The following USP34 variants were observed in gnomAD, a reference collection of about 807,000 sequenced individuals.
The protein encoded by USP34 is ubiquitin specific peptidase 34.
Under a neutral mutation model 460.3 loss-of-function variants are expected in USP34, and 70 were observed. The ratio of observed to expected loss-of-function variants is 0.15; its 90% CI spans 0.13 to 0.19. The LOEUF (loss-of-function observed/expected upper bound fraction) is 0.19, where lower values mean the gene tolerates loss of function less well. Ranked by LOEUF, USP34 falls within the 10% of genes least tolerant of loss-of-function variation. USP34 has a pLI of 1.00. For synonymous variants in USP34, 1,647 were observed against 1,405.3 expected, an observed-to-expected ratio of 1.17 and a Z score of -3.85; for missense variants, 3,985 against 4,236.2, an observed-to-expected ratio of 0.94 and a Z score of 1.65.
chr2:61,449,882 A>G (rs950939266), intron 1 of USP34, among the ~76,000 whole-genome samples: 5 of 152,154 alleles, frequency 3.3e-5, no homozygotes, highest in Non-Finnish European at 7.3e-5. Context: ...CCTGGCCAAT[A>G]TGGTGAAACC....
chr2:61,303,308 C>T (rs1437631610), intron 27 of USP34, among the ~76,000 whole-genome samples: 9 of 152,076 alleles, frequency 5.9e-5, no homozygotes, highest in East Asian at 1.9e-4. Flanking sequence ...TCCGGTGATC[C>T]GCCTGCCTCG....
At chr2:61,355,983 A>C in intron 10 of USP34, among the ~76,000 whole-genome samples, 1 of 152,220 alleles carries the variant, frequency 6.6e-6, no homozygotes, top group East Asian at 1.9e-4. Context: ...GATACAATTT[A>C]AATTTTAAAA....
At chr2:61,339,725 GCTGA>G in intron 16 of USP34, 44 bp from the exon 17 acceptor site, 1 of 1,075,954 alleles carries the variant, frequency 9.3e-7, no homozygotes, top group Non-Finnish European at 1.3e-6. Flanking sequence ...GAGAAATGCA[GCTGA>G]CTGATTATAG....
At position 61,406,105 on chromosome 2, in the gene USP34, T is replaced by A; in HGVS notation, c.155A>T (p.Glu52Val). ...ATTAAAAATCTCCAAATGCTTATAT[T>A]CCTTGAAGCAGCATAGACATTGCCT... ...TQRQCLCCFK[E>V]YKHLEIFNQV... The change falls in exon 3 of 80, where the codon GAA becomes GTA. Residue 52 changes from glutamate to valine, a missense_variant. Coordinates refer to ENST00000398571, the MANE Select transcript of USP34 (RefSeq NM_014709.4). 1 of 1,610,214 alleles carries A rather than the reference T, an allele frequency of 6.2e-7. No individual in the cohort carries two copies. Among genetic ancestry groups the A allele is most frequent in the Non-Finnish European group, 8.5e-7 (1 of 1,178,644 alleles).
At chr2:61,420,923 C>A in intron 1 of USP34, 90 bp from the exon 2 acceptor site, 15 of 797,458 alleles carry the variant, frequency 1.9e-5, no homozygotes, top group East Asian at 6.0e-5. Context: ...GCTACAAATG[C>A]AAACATTTCA....
At chr2:61,373,660 G>GAC (rs1029710996) in intron 8 of USP34, among the ~76,000 whole-genome samples, 1 of 152,108 alleles carries the variant, frequency 6.6e-6, no homozygotes, top group Non-Finnish European at 1.5e-5. Context: ...ATTAAAAGGA[G>GAC]AAACACACAA....
At chr2:61,224,738 G>C (rs1478464779) in intron 62 of USP34, among the ~76,000 whole-genome samples, 2 of 152,050 alleles carry the variant, frequency 1.3e-5, no homozygotes, top group Non-Finnish European at 2.9e-5. Context: ...TTTCTTTTTA[G>C]GTATTATGAA....
intron 7 of USP34, 116 bp from the exon 8 acceptor site, chr2:61,378,540 A>G (rs1406476696): frequency 5.2e-6 from 3 of 573,354 alleles, no homozygotes; most frequent in Non-Finnish European, 9.1e-6. Context: ...AACTAGATTA[A>G]TATTATAAAA....
At chr2:61,460,569 G>C (rs1024020817) in intron 1 of USP34, among the ~76,000 whole-genome samples, 6 of 152,184 alleles carry the variant, frequency 3.9e-5, no homozygotes, top group Non-Finnish European at 7.3e-5. Context: ...ATAGGGTACA[G>C]CACTATCTGT....
chr2:61,220,529 T>G, intron 66 of USP34, 72 bp from the exon 67 acceptor site: 1 of 1,406,362 alleles, frequency 7.1e-7, no homozygotes, highest in South Asian at 1.5e-5. Flanking sequence ...ACTTTTTGTA[T>G]ATGCTATTAG....
At position 61,296,785 on chromosome 2, in the gene USP34, A is replaced by AT; in HGVS notation, c.4254+14dup. On this transcript the variant is annotated intron_variant, in intron 30 of 79. Coordinates refer to ENST00000398571, the MANE Select transcript of USP34 (RefSeq NM_014709.4). ...TAACAGCCTCTAGGAGAGTAAAGAG[A>AT]TTTTGTGGGCTCACCTGCTCATCTG... is the stretch of plus-strand genomic sequence containing the variant. The AT allele has an allele frequency of 6.2e-7, 1 of 1,608,174 alleles. No individual in the cohort carries two copies. Among genetic ancestry groups the AT allele is most frequent in the Non-Finnish European group, 8.5e-7 (1 of 1,177,802 alleles).
chr2:61,348,603 C>CA (rs1360616406), intron 14 of USP34, 123 bp from the exon 15 acceptor site: 4 of 1,441,616 alleles, frequency 2.8e-6, no homozygotes, highest in Non-Finnish European at 3.7e-6. Context: ...TTGAACAATA[C>CA]AAAATGGAAT....
chr2:61,471,025 C>T lies in USP34; in HGVS notation c.-333G>A, dbSNP rs1328583544. Among the ~76,000 whole-genome samples the T allele has an allele frequency of 6.6e-6, 1 of 151,230 alleles. No homozygotes were observed. The highest frequency in any genetic ancestry group is 1.5e-5 in the Non-Finnish European group (1 of 67,512). ...GGGGAGAGAAGCAGCAGAGTCACTTCACCGACCAGACGCCGCGGCCACCGC... is the reference window on the plus strand; with the variant it reads ...GGGGAGAGAAGCAGCAGAGTCACTTTACCGACCAGACGCCGCGGCCACCGC... On this transcript the variant is annotated 5_prime_UTR_variant, in exon 1 of 80. It removes the in-frame stop codon of an upstream open reading frame in the 5' UTR. Coordinates refer to ENST00000398571, the MANE Select transcript of USP34 (RefSeq NM_014709.4).
In USP34 at chr2:61,466,474, G is replaced by C. The variant is rs537676708; in HGVS notation, c.43+4176C>G. 3.9e-5 allele frequency among the ~76,000 whole-genome samples: 6 copies of C among 152,260 alleles called. No individual in the cohort carries two copies. In the East Asian group the frequency reaches 5.8e-4, roughly 15 times the overall value. The stretch of plus-strand genomic sequence containing the variant: ...AGTTTCAAATAGCTAGGAGGATACT[G>C]AATGTTCCCAAAGCAAATGCTAAAT... On this transcript the variant is annotated intron_variant, in intron 1 of 79. Transcript: ENST00000398571.
At chr2:61,237,244 A>G (rs1422192090) in intron 53 of USP34, among the ~76,000 whole-genome samples, 1 of 152,148 alleles carries the variant, frequency 6.6e-6, no homozygotes, top group Non-Finnish European at 1.5e-5. Flanking sequence ...ACTCTGTATC[A>G]GGCAGAGTCT....
In USP34 at chr2:61,311,915, A is replaced by C; in HGVS notation, c.3543-5T>G. Reference sequence around the variant, plus strand: ...TGTCTCAGATGATATGCAAACCTAAAACATGACACAAACAACACATAGAAA... The same window carrying C: ...TGTCTCAGATGATATGCAAACCTAACACATGACACAAACAACACATAGAAA... On this transcript the variant is annotated splice_polypyrimidine_tract_variant and splice_region_variant and intron_variant, in intron 25 of 79. Coordinates refer to ENST00000398571, the MANE Select transcript of USP34 (RefSeq NM_014709.4). 6.2e-7 allele frequency: 1 copy of C among 1,610,766 alleles called. No individual in the cohort carries two copies. Among genetic ancestry groups the C allele is most frequent in the Middle Eastern group, 1.7e-4 (1 of 6,050 alleles).
chr2:61,449,984 TG>T (rs1367931487), intron 1 of USP34, among the ~76,000 whole-genome samples: 1 of 152,084 alleles, frequency 6.6e-6, no homozygotes, highest in Non-Finnish European at 1.5e-5. Flanking sequence ...GAGAATCACT[TG>T]AACCCAGGAG....
At chr2:61,465,894 G>A (rs371799590) in intron 1 of USP34, among the ~76,000 whole-genome samples, 6 of 151,854 alleles carry the variant, frequency 4.0e-5, no homozygotes, top group East Asian at 1.9e-4. Context: ...GGAGAATGGC[G>A]TGAACCCGGG....
intron 27 of USP34, among the ~76,000 whole-genome samples, chr2:61,308,661 C>T (rs954124244): frequency 3.9e-5 from 6 of 152,098 alleles, no homozygotes; most frequent in African/African-American, 2.4e-5. Flanking sequence ...TACTGAAGCA[C>T]CCATCACAAT....
Sources: gnomAD v4.1 joint callset for allele counts (sites outside exome capture counted in the v4.1 genomes callset) on GRCh38, gnomAD v4.1.1 for gene constraint, MANE v1.5 for transcripts, NCBI Gene and HGNC (gene_info 2026-07-23, HGNC 2026-07-21) for gene names.